LOC101059915: variants seen among roughly 807,000 people sequenced by gnomAD.
At chrX:71,669,516 G>A in the LOC101059915 span, 6 of 950,009 alleles carry the variant, frequency 6.3e-6, no homozygotes, top group East Asian at 8.3e-5. Context: ...TGTACTCACC[G>A]CCCGTCCCCA....
chrX:71,668,434 G>A, the LOC101059915 span: 2 of 1,161,713 alleles, frequency 1.7e-6, no homozygotes, highest in Non-Finnish European at 2.3e-6. Context: ...CTCTGATTCC[G>A]CAGATGAGAG....
At chrX:71,670,848 C>T in the LOC101059915 span, 12 of 752,123 alleles carry the variant, frequency 1.6e-5, no homozygotes, top group African/African-American at 2.1e-4. Flanking sequence ...AGCAATGTGT[C>T]GTCTGAACTC....
the LOC101059915 span, chrX:71,669,552 G>A: frequency 6.4e-5 from 61 of 957,280 alleles, no homozygotes; most frequent in Non-Finnish European, 7.7e-5. Context: ...AGAAATTTCT[G>A]TTTTAGCTTC....
At chrX:71,668,404 G>T in the LOC101059915 span, 2 of 1,156,218 alleles carry the variant, frequency 1.7e-6, no homozygotes, top group Admixed American at 2.7e-5. Flanking sequence ...GGAAGGCCCC[G>T]CCGGGCTGAA....
chrX:71,671,284 C>T, the LOC101059915 span: 2 of 1,152,910 alleles, frequency 1.7e-6, no homozygotes, highest in South Asian at 3.9e-5. Flanking sequence ...TTTCCACAGT[C>T]CCAGTAGCTT....
At chrX:71,668,406 C>G in the LOC101059915 span, 1 of 1,158,760 alleles carries the variant, frequency 8.6e-7, no homozygotes, top group Non-Finnish European at 1.2e-6. Context: ...AAGGCCCCGC[C>G]GGGCTGAATA....
the LOC101059915 span, chrX:71,670,293 G>A: frequency 8.6e-7 from 1 of 1,166,299 alleles, no homozygotes; most frequent in Non-Finnish European, 1.1e-6. Context: ...CCCAAGACCG[G>A]AAAGGCAGCA....
At chrX:71,670,725 G>C in the LOC101059915 span, 1 of 1,096,090 alleles carries the variant, frequency 9.1e-7, no homozygotes, top group Non-Finnish European at 1.2e-6. Context: ...GGTGGTGGGG[G>C]TGGACTGCAG....
chrX:71,671,340 G>T, the LOC101059915 span: 5 of 946,568 alleles, frequency 5.3e-6, no homozygotes, highest in Non-Finnish European at 7.2e-6. Flanking sequence ...TCCCTGAGCT[G>T]CTCTGTTTCA....
At chrX:71,669,767 AC>A in the LOC101059915 span, 1 of 934,455 alleles carries the variant, frequency 1.1e-6, no homozygotes, top group East Asian at 4.2e-5. Flanking sequence ...CCGGAGGGAA[AC>A]CTCTGGCTCT....
the LOC101059915 span, chrX:71,668,690 G>C: frequency 9.3e-7 from 1 of 1,077,818 alleles, no homozygotes; most frequent in Non-Finnish European, 1.2e-6. Context: ...ATGGTGTGGG[G>C]AAAGAGGGGG....
the LOC101059915 span, chrX:71,671,451 G>T: frequency 2.4e-6 from 1 of 408,639 alleles, no homozygotes; most frequent in Non-Finnish European, 4.3e-6. Context: ...TTCAGCCAGG[G>T]CTTCCTCTCT....
At chrX:71,668,871 T>C in the LOC101059915 span, 907 of 1,102,580 alleles carry the variant, frequency 8.2e-4, 2 homozygotes, top group East Asian at 4.3e-3. Context: ...CTGATCCGGC[T>C]AGCTTCCCGC....
At chrX:71,667,847 GC>G in the LOC101059915 span, 1 of 1,089,624 alleles carries the variant, frequency 9.2e-7, no homozygotes, top group Non-Finnish European at 1.2e-6. Context: ...GCTGGTTTAG[GC>G]CCAGAGGGTG....
chrX:71,671,163 G>C, the LOC101059915 span: 16 of 1,162,320 alleles, frequency 1.4e-5, no homozygotes, highest in Admixed American at 2.6e-5. Context: ...GTGGGTTTCT[G>C]TTTCCCTGGG....
the LOC101059915 span, chrX:71,671,073 G>A: frequency 1.2e-5 from 13 of 1,128,923 alleles, no homozygotes; most frequent in Non-Finnish European, 1.3e-5. Context: ...ATTTAATTCA[G>A]GTGACGGGTG....
At chrX:71,671,333 C>T in the LOC101059915 span, 1 of 962,371 alleles carries the variant, frequency 1.0e-6, no homozygotes, top group Non-Finnish European at 1.4e-6. Context: ...GGGCCCATCC[C>T]TGAGCTGCTC....
the LOC101059915 span, chrX:71,671,127 T>C: frequency 1.7e-6 from 2 of 1,160,664 alleles, no homozygotes; most frequent in South Asian, 3.9e-5. Flanking sequence ...GTTGCAGGGC[T>C]AGGTTTTTCC....
chrX:71,669,009 C>A, the LOC101059915 span: 2 of 1,162,186 alleles, frequency 1.7e-6, no homozygotes, highest in African/African-American at 3.6e-5. Flanking sequence ...AAGATAATGA[C>A]CCAAATAGAG....
Sources: allele counts gnomAD v4.1 joint callset, GRCh38; gene constraint gnomAD v4.1.1; transcripts MANE v1.5.